DNAH12: variants seen among roughly 807,000 people sequenced by gnomAD.
DNAH12 encodes axonemal beta dynein heavy chain 12.
Under a neutral mutation model 371.5 loss-of-function variants are expected in DNAH12, and 285 were observed. The ratio of observed to expected loss-of-function variants is 0.77; its 90% CI spans 0.70 to 0.85. The LOEUF (loss-of-function observed/expected upper bound fraction) is 0.85, where lower values mean the gene tolerates loss of function less well. DNAH12 is among the 40% of genes least tolerant of loss of function. The pLI, the probability that DNAH12 is intolerant of heterozygous loss-of-function variation, is 0.00. For missense variants in DNAH12, 3,611 were observed against 3,689.4 expected (o/e 0.98, Z 0.55); for synonymous variants, 1,200 against 1,213.0 (o/e 0.99, Z 0.22).
chr3:57,511,312 T>C (rs939295611), intron 4 of DNAH12, among the ~76,000 whole-genome samples: 3 of 152,156 alleles, frequency 2.0e-5, no homozygotes, highest in Admixed American at 2.0e-4. Flanking sequence ...TATTCAGACA[T>C]TGTTCTAAAT....
At chr3:57,365,862 C>CATATATAT (rs1277920997) in intron 57 of DNAH12, among the ~76,000 whole-genome samples, 57 of 148,022 alleles carry the variant, frequency 3.9e-4, no homozygotes, top group African/African-American at 1.3e-3. Context: ...TGTGTGTACA[C>CATATATAT]ATATATATAT....
rs1207891177 is a variant in DNAH12 at position 57,483,399 on chromosome 3, C to T, written c.1627G>A (p.Glu543Lys). Reference sequence around the variant, plus strand: ...ACCTGGATCCTTAAAATCAACTCTTCGATTCCTACAGTCCGGGCTTTTTCT... The same window carrying T: ...ACCTGGATCCTTAAAATCAACTCTTTGATTCCTACAGTCCGGGCTTTTTCT... ...YVEKARTVGI[E>K]ELILRIQESK... is the part of the protein sequence containing the mutation. Residue 543 changes from glutamate to lysine, a missense_variant, in exon 13 of 74, where the codon GAA becomes AAA. Glu to Lys is a moderately conservative substitution (Grantham distance 56, BLOSUM62 1). Coordinates refer to ENST00000495027, the MANE Select transcript of DNAH12 (RefSeq NM_001366028.2). The T allele has an allele frequency of 4.5e-6, 7 of 1,546,730 alleles. No homozygotes were observed. The highest frequency in any genetic ancestry group is 2.4e-5 in the South Asian group (2 of 82,436).
chr3:57,497,067 C>T (rs553047609), intron 11 of DNAH12, among the ~76,000 whole-genome samples: 127 of 152,108 alleles, frequency 8.3e-4, no homozygotes, highest in African/African-American at 2.9e-3. Flanking sequence ...ACAATGCAAA[C>T]TATAACTACA....
chr3:57,325,581 C>T (rs1429334273), intron 62 of DNAH12, among the ~76,000 whole-genome samples: 2 of 152,174 alleles, frequency 1.3e-5, no homozygotes, highest in Non-Finnish European at 2.9e-5. Context: ...ACATCACCAT[C>T]ATCAAAGACC....
intron 45 of DNAH12, among the ~76,000 whole-genome samples, chr3:57,389,541 C>T (rs2063565849): frequency 6.6e-6 from 1 of 151,770 alleles, no homozygotes; most frequent in African/African-American, 2.4e-5. Context: ...TGGGCTTGTC[C>T]CATTATGGTG....
rs953843851 is a variant in DNAH12, at chr3:57,406,339, G to A, written c.6277-387C>T. Among the ~76,000 whole-genome samples the A allele has an allele frequency of 4.4e-5, 6 of 137,674 alleles. No individual in the cohort carries two copies. The East Asian group carries it at 1.1e-3, about 24-fold the overall frequency. The allele number at this position is 137,674 out of a possible 152,430, so 90.3% of individuals were successfully genotyped here. A position where few individuals can be genotyped will look rare whatever the true frequency, so the allele number is the denominator to read the frequency against. ...GCCATTGCACTCCAGCCTGGGCAAC[G>A]AAGTGAGATTCTGCCTCAAAAAAAA... On this transcript the variant is annotated intron_variant, in intron 40 of 73. Transcript: ENST00000495027.
chr3:57,446,415 T>C (rs1172211223), intron 26 of DNAH12, 122 bp downstream of exon 26: 4 of 1,426,926 alleles, frequency 2.8e-6, no homozygotes, highest in African/African-American at 1.4e-5. Flanking sequence ...ACTCCTAAAA[T>C]GAAAGTCCAA....
intron 51 of DNAH12, 59 bp from the exon 52 acceptor site, chr3:57,379,357 G>A (rs1023620187): frequency 6.6e-6 from 1 of 151,826 alleles, no homozygotes; most frequent in Admixed American, 6.6e-5. Context: ...TCATCAGATG[G>A]AAAAAAATCA....
intron 42 of DNAH12, 69 bp from the exon 43 acceptor site, chr3:57,403,570 T>C (rs1266302861): frequency 5.1e-6 from 7 of 1,362,068 alleles, no homozygotes; most frequent in Non-Finnish European, 6.9e-6. Flanking sequence ...CATGTAACTA[T>C]TGTTTCACTT....
At chr3:57,340,314 A>T (rs2062363345) in intron 60 of DNAH12, among the ~76,000 whole-genome samples, 1 of 151,924 alleles carries the variant, frequency 6.6e-6, no homozygotes, top group Admixed American at 6.6e-5. Context: ...AAAAAAAAAT[A>T]AAAAGCAGAA....
At chr3:57,503,865 G>A (rs1184585158) in intron 9 of DNAH12, 151 bp downstream of exon 9, 2 of 638,702 alleles carry the variant, frequency 3.1e-6, no homozygotes, top group South Asian at 3.6e-5. Flanking sequence ...GCCTTCAAGC[G>A]ACTTTTTCAA....
At chr3:57,515,888 G>A (rs376868396) in intron 4 of DNAH12, among the ~76,000 whole-genome samples, 18 of 151,664 alleles carry the variant, frequency 1.2e-4, no homozygotes, top group East Asian at 7.7e-4. Flanking sequence ...CAACTTTTCC[G>A]TATGTCTAAA....
At chr3:57,375,787 A>C (rs1049048393) in intron 54 of DNAH12, 31 bp downstream of exon 54, 2 of 152,148 alleles carry the variant, frequency 1.3e-5, no homozygotes, top group Non-Finnish European at 2.9e-5. Flanking sequence ...GGATGTTCTA[A>C]AACAAGACTT....
intron 4 of DNAH12, 43 bp from the exon 5 acceptor site, chr3:57,511,022 C>G: frequency 1.4e-6 from 2 of 1,469,916 alleles, no homozygotes; most frequent in Non-Finnish European, 1.8e-6. Context: ...ATGGTTGTAT[C>G]ATTTCAGTGT....
chr3:57,555,964 G>C, the DNAH12 span, among the ~76,000 whole-genome samples: 5 of 152,252 alleles, frequency 3.3e-5, no homozygotes, highest in Non-Finnish European at 1.5e-5. Flanking sequence ...CGGGCGCAGG[G>C]AGGAGAGCTG....
chr3:57,334,687 C>A, intron 61 of DNAH12, 78 bp from the exon 62 acceptor site: 3 of 1,506,496 alleles, frequency 2.0e-6, no homozygotes, highest in South Asian at 1.3e-5. Context: ...GAGTAGAAAC[C>A]AGACAGCTAT....
In DNAH12 at chr3:57,413,731, G is replaced by T; in HGVS notation, c.6020+15C>A. ...AGGTATAACTTCAGCATAACTTATC[G>T]AATTAAATAGTTACCAATGTCCACA... On this transcript the variant is annotated intron_variant, in intron 39 of 73. Transcript: ENST00000495027. The T allele has an allele frequency of 1.3e-6, 2 of 1,544,258 alleles. No individual in the cohort carries two copies. The highest frequency in any genetic ancestry group is 1.2e-5 in the South Asian group (1 of 81,606).
chr3:57,301,827 C>T lies in DNAH12; in HGVS notation c.11302G>A (p.Val3768Ile). The T allele has an allele frequency of 1.9e-6, 3 of 1,551,554 alleles. No homozygotes were observed. Among genetic ancestry groups the T allele is most frequent in the South Asian group, 2.4e-5 (2 of 84,044 alleles). Residue 3768 changes from valine (V) to isoleucine (I), a missense_variant, in exon 70 of 74, where the codon GTT becomes ATT. Physicochemically the swap from Val to Ile is conservative, Grantham distance 29. This residue lies in a region of DNAH12 where 2,266 missense variants were observed against 2,236.9 expected (regional missense o/e 1.01). Coordinates refer to ENST00000495027, the MANE Select transcript of DNAH12 (RefSeq NM_001366028.2). Reference protein sequence around the residue: ...ALSGSLLVGKVPEIWAKRSYP... With the variant: ...ALSGSLLVGKIPEIWAKRSYP... ...GAACGTTTGGCCCATATTTCTGGAA[C>T]CTTTCCAACAAGTAAGCTACCGGAG...
intron 17 of DNAH12, among the ~76,000 whole-genome samples, chr3:57,464,384 AC>A (rs2153378424): frequency 6.6e-6 from 1 of 152,068 alleles, no homozygotes; most frequent in Non-Finnish European, 1.5e-5. Flanking sequence ...GCCAGAATAT[AC>A]CCTGTGGGAC....
Sources: allele counts gnomAD v4.1 joint callset (sites outside exome capture counted in the v4.1 genomes callset), GRCh38; gene constraint gnomAD v4.1.1; regional missense constraint gnomAD v4.1.1; transcripts MANE v1.5; gene names NCBI Gene and HGNC (gene_info 2026-07-23, HGNC 2026-07-21).